The following ACSL1 variants were observed in gnomAD, a reference collection of about 807,000 sequenced individuals.
ACSL1 encodes the protein acyl-CoA synthetase long chain family member 1.
A neutral mutation model predicts 98.4 loss-of-function variants in ACSL1; 41 were observed. That is an observed-to-expected ratio of 0.42 (90% CI 0.32 to 0.54). The LOEUF (loss-of-function observed/expected upper bound fraction) is 0.54, where lower values mean the gene tolerates loss of function less well. Ranked by LOEUF, ACSL1 falls within the 20% of genes least tolerant of loss-of-function variation. The pLI is 0.13. For synonymous variants in ACSL1, 316 were observed against 322.7 expected (o/e 0.98, Z 0.22); for missense variants, 734 against 883.1 (o/e 0.83, Z 2.14).
At chr4:184,769,074 T>A (rs374756828) in intron 11 of ACSL1, among the ~76,000 whole-genome samples, 1 of 16,868 alleles carries the variant, frequency 5.9e-5, no homozygotes, top group Non-Finnish European at 2.1e-4. Flanking sequence ...GTCTCAAATA[T>A]ATATATATAT....
At chr4:184,772,152 G>A (rs1764607174) in intron 10 of ACSL1, among the ~76,000 whole-genome samples, 1 of 152,194 alleles carries the variant, frequency 6.6e-6, no homozygotes, top group Non-Finnish European at 1.5e-5. Flanking sequence ...AGTTTTGTTT[G>A]AAGGCCAATT....
Position 184,804,550 on chromosome 4 carries a change from C to T in ACSL1, c.-32-1004G>A, listed in dbSNP as rs1771085994. 4.1e-5 allele frequency among the ~76,000 whole-genome samples: 6 copies of T among 146,636 alleles called. 1 individual carries two copies. In the South Asian group the frequency reaches 1.4e-3, roughly 33 times the overall value. On this transcript the variant is annotated intron_variant, in intron 1 of 20. Coordinates refer to ENST00000281455, the MANE Select transcript of ACSL1 (RefSeq NM_001995.5). ...GAGCCGGGATCGTGCCACTGCACTC[C>T]AATCTGGGCAACAAAGTGAGACCCC... is the stretch of plus-strand genomic sequence containing the variant.
At chr4:184,807,554 G>T (rs1417296787) in intron 1 of ACSL1, among the ~76,000 whole-genome samples, 1 of 152,226 alleles carries the variant, frequency 6.6e-6, no homozygotes, top group African/African-American at 2.4e-5. Flanking sequence ...CACAAGCCCA[G>T]TGTAAAGATC....
rs771530590 is a variant in ACSL1, at chr4:184,776,908, C to A, written c.553G>T (p.Ala185Ser). The A allele has an allele frequency of 1.9e-6, 3 of 1,614,158 alleles. No homozygotes were observed. In the South Asian group the frequency reaches 3.3e-5, roughly 18 times the overall value. Residue 185 changes from alanine (A) to serine (S), a missense_variant, in exon 6 of 21, where the codon GCC (alanine) becomes TCC (serine). Transcript: ENST00000281455. ...CCTTTGTTGACTATGTACGTGATGG[C>A]TTCATTTCCAAGGGTATCATAAAGT... The part of the protein sequence containing the change: ...VPLYDTLGNE[A>S]ITYIVNKAEL...
intron 2 of ACSL1, among the ~76,000 whole-genome samples, chr4:184,800,031 C>T (rs1770198925): frequency 6.6e-6 from 1 of 152,110 alleles, no homozygotes; most frequent in Non-Finnish European, 1.5e-5. Context: ...GAGTTCTGGA[C>T]CTTCTACTAA....
chr4:184,769,323 T>C (rs926164177), intron 11 of ACSL1, among the ~76,000 whole-genome samples: 25 of 152,206 alleles, frequency 1.6e-4, no homozygotes, highest in African/African-American at 6.0e-4. Flanking sequence ...GTACAAACCA[T>C]GCTGGCAAGC....
intron 3 of ACSL1, among the ~76,000 whole-genome samples, chr4:184,786,692 CTTTTT>C (rs34391801): frequency 4.0e-5 from 5 of 123,836 alleles, no homozygotes; most frequent in Admixed American, 8.7e-5. Flanking sequence ...TAGGCACTTT[CTTTTT>C]TTTTTTTTTT....
Position 184,757,028 on chromosome 4 carries a change from C to A in ACSL1, c.*97G>T. The A allele has an allele frequency of 1.4e-6, 2 of 1,407,880 alleles. No individual in the cohort carries two copies. Among genetic ancestry groups the A allele is most frequent in the Admixed American group, 2.3e-5 (1 of 44,208 alleles). 87.2% of individuals were successfully genotyped at this position (1,407,880 alleles called of 1,614,324 possible). A position where few individuals can be genotyped will look rare whatever the true frequency, so the allele number is the denominator to read the frequency against. On this transcript the variant is annotated 3_prime_UTR_variant, in exon 21 of 21. Coordinates refer to ENST00000281455, the MANE Select transcript of ACSL1 (RefSeq NM_001995.5). The surrounding 1 kb of genome is among the most constrained non-coding windows in gnomAD (Gnocchi z 4.5). Reference sequence around the variant, plus strand: ...CAAGTCAAACACGAACGCTTCCTTCCCTACACTTGCTGTATTCAAAATTAA... The same window carrying A: ...CAAGTCAAACACGAACGCTTCCTTCACTACACTTGCTGTATTCAAAATTAA...
Position 184,768,308 on chromosome 4 carries a change from G to T in ACSL1, c.1128+8C>A. The stretch of plus-strand genomic sequence containing the variant: ...CTCAGTCCTGGGACTTCGCTGCTTG[G>T]AACTTACTCGGTCAAACATCCGGTT... On this transcript the variant is annotated splice_region_variant and intron_variant, in intron 12 of 20. Transcript: ENST00000281455. 6.2e-7 allele frequency: 1 copy of T among 1,610,570 alleles called. No individual in the cohort carries two copies. Among genetic ancestry groups the T allele is most frequent in the Non-Finnish European group, 8.5e-7 (1 of 1,179,148 alleles).
intron 14 of ACSL1, 71 bp downstream of exon 14, chr4:184,765,820 A>G: frequency 3.0e-6 from 4 of 1,333,780 alleles, no homozygotes; most frequent in Non-Finnish European, 4.3e-6. Context: ...CACAGTACAG[A>G]TGACTTTTGG....
intron 11 of ACSL1, among the ~76,000 whole-genome samples, chr4:184,768,872 C>T (rs775903420): frequency 5.3e-5 from 8 of 152,036 alleles, no homozygotes; most frequent in Non-Finnish European, 1.2e-4. Context: ...GAGTTCCAGT[C>T]GAGCCTGGCC....
rs138577548 is a variant in ACSL1, at chr4:184,781,950, A to C, written c.376-1517T>G. On this transcript the variant is annotated intron_variant, in intron 4 of 20. Coordinates refer to ENST00000281455, the MANE Select transcript of ACSL1 (RefSeq NM_001995.5). ...CTTTATTCTCAGTTCGCAAATTCTCAAGAGTACTCTTAAAGCACACCCATA... is the reference window on the plus strand; with the variant it reads ...CTTTATTCTCAGTTCGCAAATTCTCCAGAGTACTCTTAAAGCACACCCATA... Among the ~76,000 whole-genome samples the C allele has an allele frequency of 7.6e-4, 116 of 152,232 alleles. 1 individual carries two copies. Among genetic ancestry groups the C allele is most frequent in the Admixed American group, 3.1e-3 (48 of 15,280 alleles).
intron 2 of ACSL1, among the ~76,000 whole-genome samples, chr4:184,796,389 C>T (rs965759022): frequency 6.6e-6 from 1 of 152,214 alleles, no homozygotes; most frequent in Admixed American, 6.5e-5. Context: ...GACTAATACA[C>T]CACCCCACTG....
rs566226453 is a variant in ACSL1, at chr4:184,787,017, AC to A, written c.310+1599del. On this transcript the variant is annotated intron_variant, in intron 3 of 20. Coordinates refer to ENST00000281455, the MANE Select transcript of ACSL1 (RefSeq NM_001995.5). ...AATAGGCACTTCTTGAGTGCATATTACATGCAACCTATCATGAGGGATAGAG... is the reference window on the plus strand; with the variant it reads ...AATAGGCACTTCTTGAGTGCATATTAATGCAACCTATCATGAGGGATAGAG... Among the ~76,000 whole-genome samples the A allele has an allele frequency of 1.3e-3, 197 of 152,278 alleles. 4 individuals are homozygous for A. In the South Asian group the frequency reaches 0.039, roughly 30 times the overall value.
At chr4:184,811,396 G>GC (rs1320105341) in intron 1 of ACSL1, among the ~76,000 whole-genome samples, 3 of 152,108 alleles carry the variant, frequency 2.0e-5, no homozygotes, top group Admixed American at 1.3e-4. Flanking sequence ...ACAGGTGTGA[G>GC]CCACCGCGCC....
At chr4:184,817,359 T>C (rs1314934645) in intron 1 of ACSL1, among the ~76,000 whole-genome samples, 1 of 152,216 alleles carries the variant, frequency 6.6e-6, no homozygotes, top group East Asian at 1.9e-4. Context: ...AAGTATTTTC[T>C]GACCATTAGA....
At chr4:184,801,042 G>A (rs968972960) in intron 2 of ACSL1, among the ~76,000 whole-genome samples, 2 of 152,176 alleles carry the variant, frequency 1.3e-5, no homozygotes, top group African/African-American at 4.8e-5. Flanking sequence ...AATTTATAGA[G>A]ATGAGGCCTT....
chr4:184,806,422 T>C (rs892506967), intron 1 of ACSL1, among the ~76,000 whole-genome samples: 2 of 152,140 alleles, frequency 1.3e-5, no homozygotes, highest in African/African-American at 4.8e-5. Context: ...GAATAGGAAG[T>C]ACTCACCCCG....
chr4:184,801,417 T>C (rs1479063262), intron 2 of ACSL1, among the ~76,000 whole-genome samples: 10 of 152,174 alleles, frequency 6.6e-5, no homozygotes. Flanking sequence ...GTTTTCAAAG[T>C]AGGAACACAG....
Sources: allele counts gnomAD v4.1 joint callset (sites outside exome capture counted in the v4.1 genomes callset), GRCh38; gene constraint gnomAD v4.1.1; non-coding constraint Gnocchi (gnomAD v3.1); transcripts MANE v1.5; gene names NCBI Gene and HGNC (gene_info 2026-07-23, HGNC 2026-07-21).